EIF4G3: variants seen among roughly 807,000 people sequenced by gnomAD.
EIF4G3 encodes the protein eukaryotic translation initiation factor 4 gamma 3.
A neutral mutation model predicts 186.4 loss-of-function variants in EIF4G3; 34 were observed. The observed-to-expected ratio is 0.18, with a 90% confidence interval of 0.14 to 0.24. The LOEUF is 0.24. EIF4G3 is among the 10% of genes least tolerant of loss of function. The pLI, the probability that EIF4G3 is intolerant of heterozygous loss-of-function variation, is 1.00. For missense variants in EIF4G3, 1,536 were observed against 1,948.5 expected, an observed-to-expected ratio of 0.79 and a Z score of 3.99; for synonymous variants, 673 against 679.5, an observed-to-expected ratio of 0.99 and a Z score of 0.15.
intron 3 of EIF4G3, among the ~76,000 whole-genome samples, chr1:21,051,980 A>G (rs1414889593): frequency 6.6e-6 from 1 of 152,248 alleles, no homozygotes; most frequent in Non-Finnish European, 1.5e-5. Context: ...ACACACATAC[A>G]TCTAAAAACA....
intron 7 of EIF4G3, among the ~76,000 whole-genome samples, chr1:20,989,557 C>T (rs1348309683): frequency 2.9e-5 from 1 of 34,688 alleles, no homozygotes; most frequent in African/African-American, 8.9e-5. Context: ...AACTCCAACT[C>T]AAAAAAAAAA....
At chr1:20,917,862 C>G (rs774260777) in intron 14 of EIF4G3, among the ~76,000 whole-genome samples, 5 of 151,866 alleles carry the variant, frequency 3.3e-5, no homozygotes, top group African/African-American at 4.8e-5. Context: ...TATCAAAATA[C>G]GATAATGTAT....
chr1:20,899,877 C>A lies in EIF4G3; in HGVS notation c.1819G>T (p.Gly607Trp). 1 of 1,614,008 alleles carries A rather than the reference C, an allele frequency of 6.2e-7. No individual in the cohort carries two copies. The highest frequency in any genetic ancestry group is 8.5e-7 in the Non-Finnish European group (1 of 1,179,978). The change falls in exon 16 of 37, where the codon GGG becomes TGG. Residue 607 changes from glycine to tryptophan, a missense_variant. Transcript: ENST00000602326. ...GAGGGGTCTCTTTCAGGATGAAACCCCTGGCTCATTTTATCTTGTTCAGAT... is the reference window on the plus strand; with the variant it reads ...GAGGGGTCTCTTTCAGGATGAAACCACTGGCTCATTTTATCTTGTTCAGAT... ...LESEQDKMSQGFHPERDPSDL... is the reference protein window; with the variant it reads ...LESEQDKMSQWFHPERDPSDL...
At chr1:21,106,286 G>C (rs1262717046) in intron 2 of EIF4G3, among the ~76,000 whole-genome samples, 1 of 151,970 alleles carries the variant, frequency 6.6e-6, no homozygotes. Flanking sequence ...AACCTGAGAA[G>C]GGTAAGAGAG....
chr1:21,089,861 C>T (rs1486497323), intron 2 of EIF4G3, among the ~76,000 whole-genome samples: 1 of 152,080 alleles, frequency 6.6e-6, no homozygotes, highest in Non-Finnish European at 1.5e-5. Flanking sequence ...CTACAACATA[C>T]TTCCTTCCTA....
At chr1:21,141,633 A>C (rs1284582154) in intron 2 of EIF4G3, among the ~76,000 whole-genome samples, 1 of 152,162 alleles carries the variant, frequency 6.6e-6, no homozygotes, top group African/African-American at 2.4e-5. Context: ...AATGTTTTTA[A>C]AATTTTCTAA....
At chr1:20,855,160 ACC>A in intron 25 of EIF4G3, 89 bp from the exon 26 acceptor site, 1 of 1,038,566 alleles carries the variant, frequency 9.6e-7, no homozygotes, top group Non-Finnish European at 1.4e-6. Flanking sequence ...GTGAAGTAGA[ACC>A]AATTTTAGCA....
intron 2 of EIF4G3, among the ~76,000 whole-genome samples, chr1:21,174,427 T>C (rs1381953985): frequency 6.6e-6 from 1 of 152,206 alleles, no homozygotes; most frequent in Non-Finnish European, 1.5e-5. Context: ...CTTACTACTC[T>C]GTACATCAAG....
intron 2 of EIF4G3, among the ~76,000 whole-genome samples, chr1:21,153,696 C>G (rs916705451): frequency 1.3e-5 from 2 of 152,098 alleles, no homozygotes; most frequent in African/African-American, 4.8e-5. Context: ...TCCTGAGTAG[C>G]TGGGATTATA....
intron 3 of EIF4G3, among the ~76,000 whole-genome samples, chr1:21,065,436 C>G (rs1003984893): frequency 3.3e-5 from 5 of 149,428 alleles, no homozygotes; most frequent in African/African-American, 1.2e-4. Context: ...GTGGTGTGCA[C>G]TTGTAGTCCT....
At chr1:21,077,917 A>C (rs1481589383) in intron 3 of EIF4G3, among the ~76,000 whole-genome samples, 1 of 151,638 alleles carries the variant, frequency 6.6e-6, no homozygotes, top group African/African-American at 2.4e-5. Context: ...GACACTGCCG[A>C]GAAAGCAGAG....
intron 4 of EIF4G3, among the ~76,000 whole-genome samples, chr1:21,009,922 G>A (rs1341646160): frequency 6.6e-6 from 1 of 151,866 alleles, no homozygotes; most frequent in East Asian, 1.9e-4. Context: ...CAAAGTGCTG[G>A]GATTACAGAC....
At chr1:21,019,660 G>A (rs893992181) in intron 4 of EIF4G3, among the ~76,000 whole-genome samples, 1 of 152,126 alleles carries the variant, frequency 6.6e-6, no homozygotes, top group Non-Finnish European at 1.5e-5. Context: ...CAAGGCAGAC[G>A]GATCACAAGG....
At chr1:21,137,404 T>C (rs1407255620) in intron 2 of EIF4G3, among the ~76,000 whole-genome samples, 2 of 151,954 alleles carry the variant, frequency 1.3e-5, no homozygotes, top group Middle Eastern at 3.2e-3. Context: ...AGCCTCCAAA[T>C]TGTTGGATTA....
chr1:20,922,417 C>T (rs2094548718), intron 14 of EIF4G3, among the ~76,000 whole-genome samples: 1 of 152,130 alleles, frequency 6.6e-6, no homozygotes, highest in Non-Finnish European at 1.5e-5. Context: ...CCTGCCTCAG[C>T]CTCCCAAGTA....
intron 34 of EIF4G3, 115 bp downstream of exon 34, chr1:20,817,277 T>TAA (rs376814165): frequency 2.0e-3 from 528 of 258,430 alleles, no homozygotes; most frequent in East Asian, 3.2e-3. Context: ...AATAAATAAA[T>TAA]AAAAAAAAAT....
chr1:21,151,236 C>CTTTTCTTTTT (rs1553303495), intron 2 of EIF4G3, among the ~76,000 whole-genome samples: 1 of 80,410 alleles, frequency 1.2e-5, no homozygotes, highest in Non-Finnish European at 2.2e-5. Context: ...GTATTTCTTT[C>CTTTTCTTTTT]TTTTTTTTTT....
rs1343338980 is a variant in EIF4G3, at chr1:20,844,273, A to G, written c.3889-3245T>C. Among the ~76,000 whole-genome samples the G allele has an allele frequency of 2.0e-5, 3 of 152,280 alleles. No individual in the cohort carries two copies. The East Asian group carries it at 5.8e-4, about 29-fold the overall frequency. On this transcript the variant is annotated intron_variant, in intron 29 of 36. Coordinates refer to ENST00000602326, the MANE Select transcript of EIF4G3 (RefSeq NM_001391906.1). ...AACTAATTTACCCTCCAACAGTGTA[A>G]AAGTGTTCCTTTTTCTCCACAACCT...
chr1:20,890,087 C>T (rs976882784), intron 18 of EIF4G3, among the ~76,000 whole-genome samples: 4 of 151,618 alleles, frequency 2.6e-5, no homozygotes, highest in Non-Finnish European at 5.9e-5. Context: ...ATTCTTGTGC[C>T]TCAGTCTTCT....
Sources: allele counts gnomAD v4.1 joint callset (sites outside exome capture counted in the v4.1 genomes callset), GRCh38; gene constraint gnomAD v4.1.1; transcripts MANE v1.5; gene names NCBI Gene and HGNC (gene_info 2026-07-23, HGNC 2026-07-21).